Variants in EEFSEC observed in about 807,000 individuals in gnomAD.
The protein encoded by EEFSEC is selenocysteine-specific elongation factor.
In EEFSEC, 43 loss-of-function variants were observed where a neutral mutation model predicts 42.1. The observed-to-expected ratio is 1.02, with a 90% CI of 0.80 to 1.32. The LOEUF is 1.32. Among genes scored for constraint, EEFSEC ranks in the 40% most tolerant of loss-of-function variants. The probability of loss-of-function intolerance (pLI) is 0.00; values close to 1 mark genes in which losing one functional copy is unlikely to be tolerated. For synonymous variants in EEFSEC, 354 were observed against 339.1 expected (o/e 1.04, Z -0.48); for missense variants, 745 against 803.6 (o/e 0.93, Z 0.88).
chr3:128,288,650 T>C (rs1301559385), intron 4 of EEFSEC, among the ~76,000 whole-genome samples: 1 of 152,198 alleles, frequency 6.6e-6, no homozygotes, highest in Non-Finnish European at 1.5e-5. Context: ...TTGGTTGGAG[T>C]AGAGGACCTA....
the EEFSEC span, among the ~76,000 whole-genome samples, chr3:128,425,282 G>T: frequency 2.0e-5 from 3 of 152,196 alleles, no homozygotes; most frequent in Admixed American, 6.5e-5. Flanking sequence ...ACTGTGTGTG[G>T]ACTTTCCAGC....
intron 3 of EEFSEC, among the ~76,000 whole-genome samples, chr3:128,264,067 G>A (rs994353357): frequency 1.3e-5 from 2 of 152,328 alleles, no homozygotes; most frequent in Admixed American, 1.3e-4. Context: ...TGGCCATACA[G>A]AGAAGCCTGT....
chr3:128,346,156 C>A (rs2067310455), intron 5 of EEFSEC, among the ~76,000 whole-genome samples: 1 of 152,228 alleles, frequency 6.6e-6, no homozygotes, highest in Non-Finnish European at 1.5e-5. Flanking sequence ...TGTGGCTTAA[C>A]TCATTAGTAT....
chr3:128,352,863 G>C (rs553787348), intron 5 of EEFSEC, among the ~76,000 whole-genome samples: 341 of 152,392 alleles, frequency 2.2e-3, no homozygotes, highest in South Asian at 6.8e-3. Context: ...TCTGGCCAGA[G>C]TGCCTAGGCA....
At chr3:128,268,315 A>G (rs1440504322) in intron 4 of EEFSEC, among the ~76,000 whole-genome samples, 1 of 152,198 alleles carries the variant, frequency 6.6e-6, no homozygotes, top group Non-Finnish European at 1.5e-5. Flanking sequence ...GGTGACTTAC[A>G]TGATGACATT....
intron 5 of EEFSEC, among the ~76,000 whole-genome samples, chr3:128,354,321 C>G (rs2067426082): frequency 1.3e-5 from 2 of 152,212 alleles, no homozygotes; most frequent in Non-Finnish European, 2.9e-5. Context: ...GAGACACTCC[C>G]TTTGAACTTG....
Position 128,408,266 on chromosome 3 carries a change from G to C in EEFSEC, c.*7G>C, listed in dbSNP as rs374957337. 6.4e-7 allele frequency: 1 copy of C among 1,559,608 alleles called. No individual in the cohort carries two copies. Among genetic ancestry groups the C allele is most frequent in the East Asian group, 2.4e-5 (1 of 42,206 alleles). ...CATGGTTCAGTCTCCCTGAGTGTCC[G>C]GTGACCTCCCCCAGGGCCTCCTTGC... On this transcript the variant is annotated 3_prime_UTR_variant, in exon 7 of 7. Transcript: ENST00000254730.
chr3:128,382,770 T>C (rs1199436813), intron 6 of EEFSEC, among the ~76,000 whole-genome samples: 1 of 151,280 alleles, frequency 6.6e-6, no homozygotes, highest in Non-Finnish European at 1.5e-5. Flanking sequence ...CCTTTTTCCC[T>C]CCGTAGTCTC....
chr3:128,189,728 T>G (rs2065502292), intron 1 of EEFSEC, among the ~76,000 whole-genome samples: 1 of 151,854 alleles, frequency 6.6e-6, no homozygotes, highest in Non-Finnish European at 1.5e-5. Context: ...AGCTAGTTTT[T>G]GTATTTATTT....
intron 5 of EEFSEC, among the ~76,000 whole-genome samples, chr3:128,342,888 C>T (rs1479078851): frequency 6.6e-6 from 1 of 152,230 alleles, no homozygotes. Flanking sequence ...CCATGCCCAT[C>T]GGGCCTTGAA....
intron 2 of EEFSEC, among the ~76,000 whole-genome samples, chr3:128,252,863 G>A (rs1164296121): frequency 6.6e-6 from 1 of 152,172 alleles, no homozygotes; most frequent in Non-Finnish European, 1.5e-5. Flanking sequence ...GGGATGGCAG[G>A]GACAGCAGTC....
intron 1 of EEFSEC, among the ~76,000 whole-genome samples, chr3:128,192,388 C>T (rs2065534920): frequency 6.6e-6 from 1 of 152,172 alleles, no homozygotes; most frequent in Non-Finnish European, 1.5e-5. Context: ...CCTGGACCCG[C>T]TCTTCTCCTG....
intron 4 of EEFSEC, among the ~76,000 whole-genome samples, chr3:128,334,225 T>C (rs2067165202): frequency 6.6e-6 from 1 of 152,266 alleles, no homozygotes; most frequent in Non-Finnish European, 1.5e-5. Flanking sequence ...GGGCTCATCT[T>C]ACTTGCCCAT....
At chr3:128,380,326 G>T (rs2067759970) in intron 6 of EEFSEC, among the ~76,000 whole-genome samples, 1 of 152,206 alleles carries the variant, frequency 6.6e-6, no homozygotes, top group Non-Finnish European at 1.5e-5. Context: ...AATAAAATTT[G>T]TTTTGAACTG....
intron 1 of EEFSEC, among the ~76,000 whole-genome samples, chr3:128,237,861 G>A (rs889332755): frequency 6.6e-6 from 1 of 152,216 alleles, no homozygotes; most frequent in Middle Eastern, 3.4e-3. Context: ...CCTCCTGCAG[G>A]ACTGTGCCTC....
chr3:128,288,005 G>A (rs1251823342), intron 4 of EEFSEC, among the ~76,000 whole-genome samples: 1 of 145,968 alleles, frequency 6.9e-6, no homozygotes, highest in Non-Finnish European at 1.5e-5. Context: ...TCTGGTATGA[G>A]AACAGATAGA....
At chr3:128,396,617 G>A (rs2067984607) in intron 6 of EEFSEC, among the ~76,000 whole-genome samples, 1 of 152,186 alleles carries the variant, frequency 6.6e-6, no homozygotes, top group Non-Finnish European at 1.5e-5. Flanking sequence ...GGCCTACTGG[G>A]CATGAGGCTG....
At chr3:128,245,629 C>G (rs1410653149) in intron 1 of EEFSEC, among the ~76,000 whole-genome samples, 1 of 152,156 alleles carries the variant, frequency 6.6e-6, no homozygotes, top group African/African-American at 2.4e-5. Flanking sequence ...ACCAAGAGGC[C>G]TCTTGGAACA....
intron 3 of EEFSEC, 142 bp from the exon 4 acceptor site, chr3:128,264,475 C>T (rs2066331134): frequency 1.1e-6 from 1 of 917,686 alleles, no homozygotes; most frequent in Non-Finnish European, 1.7e-6. Context: ...TCCTGTCCAC[C>T]TTGCCAGGGC....
Sources: gnomAD v4.1 joint callset for allele counts (sites outside exome capture counted in the v4.1 genomes callset) on GRCh38, gnomAD v4.1.1 for gene constraint, MANE v1.5 for transcripts, NCBI Gene and HGNC (gene_info 2026-07-23, HGNC 2026-07-21) for gene names.